The following PTPRN2 variants were observed in gnomAD, a reference collection of about 807,000 sequenced individuals.
PTPRN2 encodes protein tyrosine phosphatase receptor type N2, also known as receptor-type tyrosine-protein phosphatase N2.
A neutral mutation model predicts 118.8 loss-of-function variants in PTPRN2; 74 were observed. The ratio of observed to expected loss-of-function variants is 0.62; its 90% CI spans 0.52 to 0.76. The LOEUF (loss-of-function observed/expected upper bound fraction) is 0.76. PTPRN2 is among the 30% of genes least tolerant of loss of function. The pLI is 0.00. For synonymous variants in PTPRN2, 641 were observed against 608.0 expected (o/e 1.05, Z -0.80); for missense variants, 1,481 against 1,394.4 (o/e 1.06, Z -0.99).
Position 158,015,465 on chromosome 7 carries a change from G to GAGAGAGGA in PTPRN2, c.1723+65825_1723+65832dup, listed in dbSNP as rs1248537818. ...GAGAGGAGGGGTGGTGAGAGAGAGA[G>GAGAGAGGA]AGAGAGGAAGAGAGGGAGAGAGGGA... On this transcript the variant is annotated intron_variant, in intron 11 of 22. Coordinates refer to ENST00000389418, the MANE Select transcript of PTPRN2 (RefSeq NM_002847.5). This position sits in a 1 kb window ranked among gnomAD's most constrained non-coding sequence, Gnocchi z 4.2. Among the ~76,000 whole-genome samples the GAGAGAGGA allele has an allele frequency of 6.6e-6, 1 of 151,394 alleles. No homozygotes were observed. The highest frequency in any genetic ancestry group is 1.5e-5 in the Non-Finnish European group (1 of 67,876).
chr7:157,816,166 C>A (rs954503376), intron 12 of PTPRN2, among the ~76,000 whole-genome samples: 6 of 152,162 alleles, frequency 3.9e-5, no homozygotes, highest in Non-Finnish European at 7.3e-5. Flanking sequence ...AGCCCAGAGA[C>A]CCCCCAGCCC....
chr7:157,950,766 G>T (rs181478943), intron 11 of PTPRN2, among the ~76,000 whole-genome samples: 1 of 152,034 alleles, frequency 6.6e-6, no homozygotes, highest in Non-Finnish European at 1.5e-5. Flanking sequence ...TTTCCATATC[G>T]GATGCTGGAA....
At chr7:158,045,821 G>A (rs1463253978) in intron 11 of PTPRN2, among the ~76,000 whole-genome samples, 1 of 150,504 alleles carries the variant, frequency 6.6e-6, no homozygotes, top group Non-Finnish European at 1.5e-5. Context: ...TCCTGACACT[G>A]CCTCGTTCTG....
rs59674136 is a variant in PTPRN2 at position 157,591,742 on chromosome 7, C to T, written c.2496+3496G>A. Among the ~76,000 whole-genome samples the T allele has an allele frequency of 8.1e-3, 1,232 of 152,288 alleles. 17 individuals carry two copies. The highest frequency in any genetic ancestry group is 0.029 in the African/African-American group (1,188 of 41,556). ...CTAAAACACACGGTTTAGAGGCCTC[C>T]CAGGCAAATGTGACTGTGCTAGGAA... On this transcript the variant is annotated intron_variant, in intron 17 of 22. Coordinates refer to ENST00000389418, the MANE Select transcript of PTPRN2 (RefSeq NM_002847.5). This position sits in a 1 kb window ranked among gnomAD's most constrained non-coding sequence, Gnocchi z 4.4.
chr7:158,402,243 A>C (rs1563066), intron 2 of PTPRN2, among the ~76,000 whole-genome samples: 67,465 of 151,992 alleles, frequency 0.44, 16,072 homozygotes, highest in East Asian at 0.75. Flanking sequence ...ACCAGGGTAT[A>C]CAGGTGCTGA....
At chr7:158,019,644 G>C (rs1049103194) in intron 11 of PTPRN2, among the ~76,000 whole-genome samples, 1 of 152,228 alleles carries the variant, frequency 6.6e-6, no homozygotes, top group Non-Finnish European at 1.5e-5. Flanking sequence ...TCATAGACAA[G>C]ACCTATATTG....
In PTPRN2 at chr7:158,057,873, G is replaced by A. The variant is rs113960278; in HGVS notation, c.1723+23425C>T. On this transcript the variant is annotated intron_variant, in intron 11 of 22. Coordinates refer to ENST00000389418, the MANE Select transcript of PTPRN2 (RefSeq NM_002847.5). ...AAAAGCTTCCCAAGGAACACGGGCCGTGAAGGAGTTAAAGTCCTCAGGTCT... is the reference window on the plus strand; with the variant it reads ...AAAAGCTTCCCAAGGAACACGGGCCATGAAGGAGTTAAAGTCCTCAGGTCT... 7.1e-3 allele frequency among the ~76,000 whole-genome samples: 1,076 copies of A among 152,306 alleles called. 11 individuals carry two copies. The highest frequency in any genetic ancestry group is 0.018 in the African/African-American group (767 of 41,572).
intron 2 of PTPRN2, among the ~76,000 whole-genome samples, chr7:158,413,802 G>A (rs139593578): frequency 3.0e-4 from 45 of 152,330 alleles, no homozygotes; most frequent in African/African-American, 9.4e-4. Context: ...CAGGCCCAGC[G>A]GTCCTGACCC....
chr7:158,213,296 G>A (rs1224893267), intron 3 of PTPRN2, among the ~76,000 whole-genome samples: 1 of 150,812 alleles, frequency 6.6e-6, no homozygotes, highest in Non-Finnish European at 1.5e-5. Context: ...TATTCTGGAT[G>A]GAATTAAAAG....
intron 6 of PTPRN2, among the ~76,000 whole-genome samples, chr7:158,140,383 C>T (rs1819260437): frequency 1.3e-5 from 2 of 152,210 alleles, no homozygotes; most frequent in South Asian, 2.1e-4. Flanking sequence ...AAGTGAAACC[C>T]GTAACCATGA....
At chr7:158,244,704 GT>G (rs904685267) in intron 3 of PTPRN2, among the ~76,000 whole-genome samples, 4 of 111,742 alleles carry the variant, frequency 3.6e-5, no homozygotes, top group East Asian at 6.4e-4. Flanking sequence ...AGTGTGTGTG[GT>G]TGTGAGTTGT....
At chr7:158,026,575 T>C (rs1031420436) in intron 11 of PTPRN2, among the ~76,000 whole-genome samples, 1 of 152,190 alleles carries the variant, frequency 6.6e-6, no homozygotes, top group Non-Finnish European at 1.5e-5. Context: ...TACATAATCA[T>C]ACACTAAAAC....
intron 2 of PTPRN2, among the ~76,000 whole-genome samples, chr7:158,419,302 T>C (rs1157111361): frequency 6.6e-6 from 1 of 152,086 alleles, no homozygotes; most frequent in Non-Finnish European, 1.5e-5. Context: ...ATTTTTGGCC[T>C]GGAAAGCTCC....
At chr7:157,605,233 G>A (rs1158670983) in intron 15 of PTPRN2, among the ~76,000 whole-genome samples, 2 of 152,248 alleles carry the variant, frequency 1.3e-5, no homozygotes, top group African/African-American at 4.8e-5. Context: ...GCTGCAGCAG[G>A]GTGGGCAGCT....
Position 158,513,120 on chromosome 7 carries a change from T to G in PTPRN2, c.113-23335A>C, listed in dbSNP as rs369170318. On this transcript the variant is annotated intron_variant, in intron 1 of 22. Transcript: ENST00000389418. ...GGGTGAGGGGGAGAAGCCGCAACCC[T>G]CCCCACCAAGCCACTGAGCACAGTT... Among the ~76,000 whole-genome samples the G allele has an allele frequency of 5.7e-3, 866 of 152,122 alleles. 7 individuals are homozygous for G. Among genetic ancestry groups the G allele is most frequent in the African/African-American group, 0.02 (833 of 41,526 alleles).
chr7:158,350,494 T>A (rs4909195), intron 2 of PTPRN2, among the ~76,000 whole-genome samples: 3 of 152,210 alleles, frequency 2.0e-5, no homozygotes, highest in Admixed American at 6.5e-5. Flanking sequence ...AGAATCTGCC[T>A]GTCAATTTTG....
At chr7:158,344,547 A>G (rs753632490) in intron 2 of PTPRN2, among the ~76,000 whole-genome samples, 2 of 152,204 alleles carry the variant, frequency 1.3e-5, no homozygotes, top group Admixed American at 6.5e-5. Flanking sequence ...GTCTGGGCTG[A>G]AATGCCACAC....
intron 1 of PTPRN2, among the ~76,000 whole-genome samples, chr7:158,536,899 T>C (rs1035718647): frequency 6.6e-6 from 1 of 152,196 alleles, no homozygotes; most frequent in African/African-American, 2.4e-5. Flanking sequence ...CATCTGTCAG[T>C]AGGACACGGG....
chr7:157,895,795 G>T (rs1177171482), intron 12 of PTPRN2, among the ~76,000 whole-genome samples: 3 of 152,132 alleles, frequency 2.0e-5, no homozygotes, highest in African/African-American at 7.2e-5. Flanking sequence ...TGATGGGAAT[G>T]AGAGTGAATG....
Sources: allele counts gnomAD v4.1 joint callset (sites outside exome capture counted in the v4.1 genomes callset), GRCh38; gene constraint gnomAD v4.1.1; non-coding constraint Gnocchi (gnomAD v3.1); transcripts MANE v1.5; gene names NCBI Gene and HGNC (gene_info 2026-07-23, HGNC 2026-07-21).